Variants in PPM1H observed in about 807,000 individuals in gnomAD.
The protein encoded by PPM1H is protein phosphatase, Mg2+/Mn2+ dependent 1H, also known as protein phosphatase 1H.
PPM1H carries 27 observed loss-of-function variants against 54.9 expected under a neutral mutation model. The observed-to-expected ratio is 0.49, with a 90% CI of 0.36 to 0.68. The LOEUF is 0.68. Among genes scored for constraint, PPM1H ranks in the 30% least tolerant of loss-of-function variants. The probability of loss-of-function intolerance (pLI) is 0.00; values close to 1 mark genes in which losing one functional copy is unlikely to be tolerated. For synonymous variants in PPM1H, 305 were observed against 270.8 expected, an observed-to-expected ratio of 1.13 and a Z score of -1.24; for missense variants, 596 against 667.8, an observed-to-expected ratio of 0.89 and a Z score of 1.19.
intron 1 of PPM1H, among the ~76,000 whole-genome samples, chr12:62,871,753 C>G (rs1299206358): frequency 6.6e-6 from 1 of 151,982 alleles, no homozygotes; most frequent in African/African-American, 2.4e-5. Context: ...TAAGCTCAAG[C>G]AATCCGCCCT....
intron 1 of PPM1H, among the ~76,000 whole-genome samples, chr12:62,864,922 G>T (rs115496118): frequency 8.8e-4 from 134 of 152,274 alleles, no homozygotes; most frequent in African/African-American, 3.0e-3. Flanking sequence ...ACTATTTTAG[G>T]ATTATTACTT....
intron 9 of PPM1H, chr12:62,659,072 G>A (rs1212439233): frequency 2.3e-5 from 17 of 727,936 alleles, no homozygotes; most frequent in African/African-American, 1.4e-4. Flanking sequence ...TCAAGGAGCC[G>A]GAAGTGCTGC....
intron 9 of PPM1H, among the ~76,000 whole-genome samples, chr12:62,656,388 A>T (rs1462052583): frequency 1.3e-5 from 2 of 152,210 alleles, no homozygotes; most frequent in Non-Finnish European, 2.9e-5. Context: ...ATCGGAGGTC[A>T]ATAAGTGTTA....
intron 4 of PPM1H, among the ~76,000 whole-genome samples, chr12:62,742,737 T>A (rs1441576077): frequency 6.6e-6 from 1 of 152,192 alleles, no homozygotes; most frequent in Non-Finnish European, 1.5e-5. Context: ...CCTGGACTTG[T>A]GGATACCACC....
At chr12:62,697,025 G>C (rs141053903) in intron 6 of PPM1H, among the ~76,000 whole-genome samples, 92 of 152,314 alleles carry the variant, frequency 6.0e-4, no homozygotes, top group Non-Finnish European at 1.2e-3. Context: ...TTCTGTGTGA[G>C]TGGCAAAAGA....
chr12:62,853,894 G>A (rs556018430), intron 1 of PPM1H, among the ~76,000 whole-genome samples: 2 of 152,256 alleles, frequency 1.3e-5, no homozygotes, highest in South Asian at 4.2e-4. Flanking sequence ...AGCCCTATTG[G>A]GAAGAGAGGT....
chr12:62,866,601 G>A (rs1869784506), intron 1 of PPM1H, among the ~76,000 whole-genome samples: 2 of 152,150 alleles, frequency 1.3e-5, no homozygotes, highest in Admixed American at 1.3e-4. Context: ...CCAACCACAG[G>A]AGTGAGCCAT....
intron 9 of PPM1H, 133 bp from the exon 10 acceptor site, chr12:62,648,769 G>T: frequency 1.9e-6 from 2 of 1,026,490 alleles, no homozygotes; most frequent in East Asian, 5.2e-5. Flanking sequence ...ATACGAAAAA[G>T]ACAAGGTCAT....
At chr12:62,929,596 T>C (rs1872071257) in intron 1 of PPM1H, among the ~76,000 whole-genome samples, 1 of 152,184 alleles carries the variant, frequency 6.6e-6, no homozygotes, top group Non-Finnish European at 1.5e-5. Flanking sequence ...AAACTGGGAC[T>C]GAAACATATA....
chr12:62,780,310 C>CT (rs1245239846), intron 4 of PPM1H, among the ~76,000 whole-genome samples: 13 of 151,984 alleles, frequency 8.6e-5, no homozygotes, highest in African/African-American at 2.7e-4. Flanking sequence ...AGTTTTCTTT[C>CT]TTTTTTTTGG....
At chr12:62,766,752 G>A (rs1455260573) in intron 4 of PPM1H, among the ~76,000 whole-genome samples, 1 of 152,210 alleles carries the variant, frequency 6.6e-6, no homozygotes, top group Non-Finnish European at 1.5e-5. Flanking sequence ...CTCCAGTGGA[G>A]GCACATGGCA....
Position 62,689,766 on chromosome 12 carries a change from C to T in PPM1H, c.1178G>A (p.Gly393Glu), listed in dbSNP as rs575469323. ...MATIGVTRGL[G>E]DHDLKVHDSN... ...GTCATGCACCTTCAGGTCATGGTCC[C>T]CAAGTCCCCTGGTCACTCCAATAGT... The change falls in exon 8 of 10, where the codon GGG (glycine) becomes GAG (glutamate). Residue 393 changes from glycine (G) to glutamate (E), a missense_variant. Gly to Glu is a moderately conservative substitution (Grantham distance 98, BLOSUM62 -2). This residue lies in a region of PPM1H where 208 missense variants were observed against 259.5 expected (regional missense o/e 0.80). Transcript: ENST00000228705. 1.9e-6 allele frequency: 3 copies of T among 1,613,672 alleles called. No homozygotes were observed. The highest frequency in any genetic ancestry group is 2.5e-6 in the Non-Finnish European group (3 of 1,179,780).
intron 8 of PPM1H, among the ~76,000 whole-genome samples, chr12:62,682,348 G>C (rs989506874): frequency 2.0e-5 from 3 of 152,162 alleles, no homozygotes; most frequent in African/African-American, 7.2e-5. Context: ...CCAGACTGTA[G>C]AAAGCACAAA....
rs371679766 is a variant in PPM1H at position 62,867,888 on chromosome 12, G to A, written c.246-35609C>T. Among the ~76,000 whole-genome samples, 4 of 152,090 alleles carry A rather than the reference G, an allele frequency of 2.6e-5. No homozygotes were observed. In the East Asian group the frequency reaches 7.7e-4, roughly 29 times the overall value. ...TGATGCCCAAAAACCAGTGTTAGGA[G>A]CAAAATGCATTGCCTTTTCATGGGC... On this transcript the variant is annotated intron_variant, in intron 1 of 9. Transcript: ENST00000228705.
intron 8 of PPM1H, among the ~76,000 whole-genome samples, chr12:62,678,526 C>G (rs1199741436): frequency 6.6e-6 from 1 of 152,066 alleles, no homozygotes; most frequent in Non-Finnish European, 1.5e-5. Context: ...AATCTCAAGT[C>G]ATTGGCCAAA....
Position 62,647,131 on chromosome 12 carries a change from A to G in PPM1H, c.*1358T>C, listed in dbSNP as rs1447535775. On this transcript the variant is annotated 3_prime_UTR_variant, in exon 10 of 10. Coordinates refer to ENST00000228705, the MANE Select transcript of PPM1H (RefSeq NM_020700.2). ...AATCTACTTGGCCATTCCTCCCAGC[A>G]GAGAAGCAGCAGGTAGATATGGCAT... The G allele has an allele frequency of 6.6e-6, 1 of 152,116 alleles. No homozygotes were observed. The highest frequency in any genetic ancestry group is 2.4e-5 in the African/African-American group (1 of 41,452). The allele number at this position is 152,116 out of a possible 1,614,324, so 9.4% of individuals were successfully genotyped here.
chr12:62,659,367 C>T (rs1428467681), intron 9 of PPM1H: 6 of 434,426 alleles, frequency 1.4e-5, no homozygotes, highest in South Asian at 1.4e-4. Flanking sequence ...TTTGTTGAGA[C>T]AGTTCAAAAG....
At chr12:62,878,626 TAAAAAAAAAA>T (rs34587900) in intron 1 of PPM1H, among the ~76,000 whole-genome samples, 64 of 81,580 alleles carry the variant, frequency 7.8e-4, no homozygotes, top group East Asian at 3.4e-3. Flanking sequence ...TGATTACGCT[TAAAAAAAAAA>T]AAAAAAAAAA....
At chr12:62,741,661 G>T (rs374586145) in intron 4 of PPM1H, among the ~76,000 whole-genome samples, 1 of 152,094 alleles carries the variant, frequency 6.6e-6, no homozygotes, top group South Asian at 2.1e-4. Context: ...ATGCCTAGCT[G>T]TACCCTTACC....
Sources: gnomAD v4.1 joint callset for allele counts (sites outside exome capture counted in the v4.1 genomes callset) on GRCh38, gnomAD v4.1.1 for gene constraint, gnomAD v4.1.1 regional missense constraint, MANE v1.5 for transcripts, NCBI Gene and HGNC (gene_info 2026-07-23, HGNC 2026-07-21) for gene names.